Variants in ZNF341 observed in about 807,000 individuals in gnomAD.
ZNF341 encodes the protein zinc finger protein 341.
In ZNF341, 52 loss-of-function variants were observed where a neutral mutation model predicts 87.7. The ratio of observed to expected loss-of-function variants is 0.59; its 90% CI spans 0.47 to 0.75. The LOEUF (loss-of-function observed/expected upper bound fraction) is 0.75, where lower values mean the gene tolerates loss of function less well. ZNF341 is among the 30% of genes least tolerant of loss of function. The probability of loss-of-function intolerance (pLI) is 0.00; values close to 1 mark genes in which losing one functional copy is unlikely to be tolerated. For synonymous variants in ZNF341, 459 were observed against 472.7 expected, an observed-to-expected ratio of 0.97 and a Z score of 0.38; for missense variants, 977 against 1,145.9, an observed-to-expected ratio of 0.85 and a Z score of 2.13.
intron 3 of ZNF341, among the ~76,000 whole-genome samples, chr20:33,745,564 A>G (rs2018901457): frequency 6.6e-6 from 1 of 152,164 alleles, no homozygotes; most frequent in Admixed American, 6.6e-5. Context: ...CAGGAAGAAT[A>G]CTATATAGCA....
In ZNF341 at chr20:33,745,008, C is replaced by T. The variant is rs1184933154; in HGVS notation, c.143-95C>T. 4 of 1,162,062 alleles carry T rather than the reference C, an allele frequency of 3.4e-6. No individual in the cohort carries two copies. The Admixed American group carries it at 8.2e-5, about 24-fold the overall frequency. 72.0% of individuals were successfully genotyped at this position (1,162,062 alleles called of 1,614,324 possible). A position where few individuals can be genotyped will look rare whatever the true frequency, so the allele number is the denominator to read the frequency against. ...GTGGTCAGCTGCAGTTCTCCTGTCTCATACTGTGATGCCCCTTGACATAGT... is the reference window on the plus strand; with the variant it reads ...GTGGTCAGCTGCAGTTCTCCTGTCTTATACTGTGATGCCCCTTGACATAGT... On this transcript the variant is annotated intron_variant, in intron 2 of 14. Coordinates refer to ENST00000375200, the MANE Select transcript of ZNF341 (RefSeq NM_001282933.2).
Position 33,740,890 on chromosome 20 carries a change from T to C in ZNF341, c.32-12T>C, listed in dbSNP as rs542132644. ...GGCCTACCTTCCAAAGAGGCTGCACTTCTTTTTTCAGGAATGGACAATCAG... is the reference window on the plus strand; with the variant it reads ...GGCCTACCTTCCAAAGAGGCTGCACCTCTTTTTTCAGGAATGGACAATCAG... On this transcript the variant is annotated splice_polypyrimidine_tract_variant and intron_variant, in intron 1 of 14. Coordinates refer to ENST00000375200, the MANE Select transcript of ZNF341 (RefSeq NM_001282933.2). The C allele has an allele frequency of 1.2e-6, 2 of 1,613,448 alleles. No homozygotes were observed. The highest frequency in any genetic ancestry group is 3.3e-5 in the Admixed American group (2 of 60,004).
At chr20:33,767,836 TTA>T (rs1265415305) in intron 9 of ZNF341, among the ~76,000 whole-genome samples, 2 of 152,196 alleles carry the variant, frequency 1.3e-5, no homozygotes, top group Non-Finnish European at 2.9e-5. Flanking sequence ...AGCGTTGGGC[TTA>T]TATAGAGCAG....
intron 9 of ZNF341, among the ~76,000 whole-genome samples, chr20:33,769,032 A>C (rs1015658914): frequency 6.6e-6 from 1 of 152,204 alleles, no homozygotes; most frequent in Non-Finnish European, 1.5e-5. Flanking sequence ...GTCAAATTAC[A>C]TACAAATCTG....
rs977376020 is a variant in ZNF341 at position 33,732,241 on chromosome 20, G to C, written c.31+189G>C. Among the ~76,000 whole-genome samples the C allele has an allele frequency of 6.7e-6, 1 of 150,150 alleles. No individual in the cohort carries two copies. The highest frequency in any genetic ancestry group is 1.5e-5 in the Non-Finnish European group (1 of 67,286). On this transcript the variant is annotated intron_variant, in intron 1 of 14. Transcript: ENST00000375200. This position sits in a 1 kb window ranked among gnomAD's most constrained non-coding sequence, Gnocchi z 4.5. Reference sequence around the variant, plus strand: ...GCCGAGGCCCGGCGGGGGAGCTCCGGGGCCGGAACAGCCGGGGAGAGCCAG... The same window carrying C: ...GCCGAGGCCCGGCGGGGGAGCTCCGCGGCCGGAACAGCCGGGGAGAGCCAG...
intron 8 of ZNF341, among the ~76,000 whole-genome samples, chr20:33,762,380 T>C (rs2019312552): frequency 6.6e-6 from 1 of 151,880 alleles, no homozygotes; most frequent in African/African-American, 2.4e-5. Context: ...TTTCAGACCA[T>C]GATTGACTTT....
intron 10 of ZNF341, among the ~76,000 whole-genome samples, chr20:33,772,010 T>TAAAAAAAAAAAAAAAAAAAAAAAC (rs2019542736): frequency 1.8e-5 from 1 of 56,168 alleles, no homozygotes; most frequent in Non-Finnish European, 3.1e-5. Context: ...ACGCTTGTCT[T>TAAAAAAAAAAAAAAAAAAAAAAAC]AAAAAAAAAA....
chr20:33,744,649 T>C (rs1244990085), intron 2 of ZNF341, among the ~76,000 whole-genome samples: 2 of 152,130 alleles, frequency 1.3e-5, no homozygotes, highest in East Asian at 3.9e-4. Context: ...TGGAGTGCAG[T>C]GGCACGATCT....
intron 14 of ZNF341, among the ~76,000 whole-genome samples, chr20:33,790,400 G>T (rs937374104): frequency 6.6e-6 from 1 of 152,004 alleles, no homozygotes; most frequent in Non-Finnish European, 1.5e-5. Flanking sequence ...ATTTTGTCCT[G>T]GGGGCTGTCC....
intron 9 of ZNF341, among the ~76,000 whole-genome samples, chr20:33,769,321 C>G (rs146217296): frequency 6.8e-6 from 1 of 146,464 alleles, no homozygotes; most frequent in African/African-American, 2.5e-5. Flanking sequence ...TGCACATATT[C>G]AGACCCACTA....
chr20:33,763,707 T>C (rs1381183101), intron 8 of ZNF341, among the ~76,000 whole-genome samples: 1 of 152,184 alleles, frequency 6.6e-6, no homozygotes, highest in Non-Finnish European at 1.5e-5. Context: ...TGAAAGCTAT[T>C]TGACCTCCAA....
intron 2 of ZNF341, among the ~76,000 whole-genome samples, chr20:33,741,796 G>A (rs973038079): frequency 1.3e-5 from 2 of 152,190 alleles, no homozygotes; most frequent in African/African-American, 2.4e-5. Flanking sequence ...TCACACTAGG[G>A]GCAGGGAGAT....
intron 7 of ZNF341, among the ~76,000 whole-genome samples, chr20:33,760,569 G>C (rs1601257292): frequency 6.6e-6 from 1 of 151,392 alleles, no homozygotes; most frequent in South Asian, 2.1e-4. Context: ...TTTGAGACAG[G>C]GTCTTGCTCT....
At chr20:33,761,783 T>G in intron 7 of ZNF341, 79 bp from the exon 8 acceptor site, 1 of 1,261,976 alleles carries the variant, frequency 7.9e-7, no homozygotes. Context: ...TTCTGGGCCT[T>G]CCTTGTGGCT....
At chr20:33,750,808 T>A (rs1002947828) in intron 4 of ZNF341, among the ~76,000 whole-genome samples, 2 of 152,152 alleles carry the variant, frequency 1.3e-5, no homozygotes, top group African/African-American at 4.8e-5. Context: ...GTCTGGCTAA[T>A]TTTTGTACTT....
intron 14 of ZNF341, among the ~76,000 whole-genome samples, chr20:33,790,148 T>C (rs1235474145): frequency 6.6e-6 from 1 of 151,890 alleles, no homozygotes; most frequent in African/African-American, 2.4e-5. Flanking sequence ...CTTGGCTCAT[T>C]GCAACCTCTG....
At chr20:33,790,007 C>T (rs1432379155) in intron 14 of ZNF341, among the ~76,000 whole-genome samples, 2 of 152,134 alleles carry the variant, frequency 1.3e-5, no homozygotes, top group African/African-American at 4.8e-5. Context: ...TGGCTTTCCA[C>T]ATGCCAGCCG....
rs1185303871 is a variant in ZNF341 at position 33,770,080 on chromosome 20, C to T, written c.1414-4C>T. 2 of 1,611,908 alleles carry T rather than the reference C, an allele frequency of 1.2e-6. No homozygotes were observed. Among genetic ancestry groups the T allele is most frequent in the Admixed American group, 1.7e-5 (1 of 59,906 alleles). On this transcript the variant is annotated splice_region_variant and splice_polypyrimidine_tract_variant and intron_variant, in intron 9 of 14. Coordinates refer to ENST00000375200, the MANE Select transcript of ZNF341 (RefSeq NM_001282933.2). The stretch of plus-strand genomic sequence containing the variant: ...CTGTCACCTGCCCAGCGTCTTCCCT[C>T]AAGGTGTACAAGTGTGTGGTCAAAA...
intron 10 of ZNF341, among the ~76,000 whole-genome samples, chr20:33,770,878 T>C (rs1475621610): frequency 6.6e-6 from 1 of 152,092 alleles, no homozygotes; most frequent in Non-Finnish European, 1.5e-5. Flanking sequence ...CCCAGCACTT[T>C]GGGAGGCTGA....
Sources: gnomAD v4.1 joint callset for allele counts (sites outside exome capture counted in the v4.1 genomes callset) on GRCh38, gnomAD v4.1.1 for gene constraint, Gnocchi (gnomAD v3.1) non-coding constraint, MANE v1.5 for transcripts, NCBI Gene and HGNC (gene_info 2026-07-23, HGNC 2026-07-21) for gene names.